The following TCEANC variants were observed in gnomAD, a reference collection of about 807,000 sequenced individuals.
The protein encoded by TCEANC is transcription elongation factor A N-terminal and central domain-containing protein.
In TCEANC, 8 loss-of-function variants were observed where a neutral mutation model predicts 8.7. The ratio of observed to expected loss-of-function variants is 0.92; its 90% confidence interval spans 0.54 to 1.65. The LOEUF (loss-of-function observed/expected upper bound fraction) is 1.65. TCEANC is among the 40% of genes most tolerant of loss of function. The probability of loss-of-function intolerance (pLI) is 0.00; values close to 1 mark genes in which losing one functional copy is unlikely to be tolerated. For missense variants in TCEANC, 255 were observed against 251.9 expected, an observed-to-expected ratio of 1.01 and a Z score of -0.08; for synonymous variants, 78 against 92.9, an observed-to-expected ratio of 0.84 and a Z score of 0.92.
At chrX:13,661,715 C>T (rs2045967481) in intron 1 of TCEANC, among the ~76,000 whole-genome samples, 1 of 112,249 alleles carries the variant, frequency 8.9e-6, no homozygotes, top group African/African-American at 3.2e-5. Flanking sequence ...CATTTGCCTG[C>T]CTAGGATGAA....
exon 2 of TCEANC, chrX:13,663,417 C>T: frequency 1.7e-6 from 2 of 1,184,974 alleles, no homozygotes; most frequent in Non-Finnish European, 2.3e-6. Context: ...GTGAGAAATA[C>T]AATTGCAAAG....
chrX:13,654,124 A>T (rs904669730), upstream of TCEANC, among the ~76,000 whole-genome samples: 1 of 112,932 alleles, frequency 8.9e-6, no homozygotes, highest in Admixed American at 9.3e-5. Context: ...AAAATATCTC[A>T]ATTTGTTTAT....
At chrX:13,659,850 C>G (rs910825498) in intron 1 of TCEANC, 82 bp downstream of exon 3, 1 of 111,757 alleles carries the variant, frequency 8.9e-6, no homozygotes, top group Non-Finnish European at 1.9e-5. Context: ...TAGACTCGAT[C>G]TCTTGACCTC....
exon 2 of TCEANC, chrX:13,662,963 G>T (rs1423037632): frequency 1.7e-6 from 2 of 1,211,201 alleles, no homozygotes; most frequent in Non-Finnish European, 2.2e-6. Flanking sequence ...GAGCATTTTG[G>T]GGATGGTGAC....
intron 1 of TCEANC, among the ~76,000 whole-genome samples, chrX:13,662,223 C>T (rs1189147271): frequency 8.9e-6 from 1 of 111,765 alleles, no homozygotes; most frequent in African/African-American, 3.3e-5. Flanking sequence ...GGTGGAAAAG[C>T]TATAGCAGAT....
chrX:13,655,119 G>A (rs936407237), upstream of TCEANC, among the ~76,000 whole-genome samples: 1 of 111,959 alleles, frequency 8.9e-6, no homozygotes, highest in African/African-American at 3.2e-5. Context: ...TTTGCTAGGT[G>A]TGTATAGGTG....
At position 13,658,217 on chromosome X, in the gene TCEANC, C is replaced by T. The variant is rs779451315; in HGVS notation, c.-9+2844C>T. 2.7e-5 allele frequency among the ~76,000 whole-genome samples: 3 copies of T among 111,686 alleles called. No individual in the cohort carries two copies. In the Admixed American group the frequency reaches 2.9e-4, roughly 11 times the overall value. On this transcript the variant is annotated intron_variant, in intron 1 of 1. Coordinates refer to ENST00000380600, the Ensembl canonical transcript of TCEANC. ...GGGATTTTCTTGGGGGGTGGTGGCACAGATAAATCTTCTAAAGTTGATTTA... is the reference window on the plus strand; with the variant it reads ...GGGATTTTCTTGGGGGGTGGTGGCATAGATAAATCTTCTAAAGTTGATTTA...
intron 1 of TCEANC, among the ~76,000 whole-genome samples, chrX:13,661,806 A>G (rs779692763): frequency 8.0e-5 from 9 of 112,286 alleles, no homozygotes; most frequent in Non-Finnish European, 1.7e-4. Context: ...TGTAAGAACC[A>G]GTTAGTCTAA....
rs74577727 is a variant in TCEANC, at chrX:13,659,643, T to G, written c.-8-2858T>G. ...GTGTTAAGCCCTTTTTTTTTTTTTTTTTTGACAGAGTCTCGCTCTGTCGCC... is the reference window on the plus strand; with the variant it reads ...GTGTTAAGCCCTTTTTTTTTTTTTTGTTTGACAGAGTCTCGCTCTGTCGCC... On this transcript the variant is annotated intron_variant, in intron 1 of 1. Transcript: ENST00000380600. 2.8e-5 allele frequency: 3 copies of G among 108,731 alleles called. No individual in the cohort carries two copies. The highest frequency in any genetic ancestry group is 5.7e-5 in the Non-Finnish European group (3 of 52,502). 9.0% of individuals were successfully genotyped at this position (108,731 alleles called of 1,213,427 possible). A position where few individuals can be genotyped will look rare whatever the true frequency, so the allele number is the denominator to read the frequency against.
intron 1 of TCEANC, 105 bp from the exon 5 acceptor site, chrX:13,662,396 G>A (rs763266398): frequency 1.4e-6 from 1 of 731,116 alleles, no homozygotes; most frequent in East Asian, 3.2e-5. Flanking sequence ...GACTCTTTCG[G>A]AAAACATTGC....
At position 13,664,920 on chromosome X, in the gene TCEANC, C is replaced by T. The variant is rs138009590; in HGVS notation, c.*1356C>T. ...TACTTTGGCGGTCTCTACAAACCTA[C>T]CATTTCACTTTCTCACCAGTTCTTT... On this transcript the variant is annotated 3_prime_UTR_variant, in exon 2 of 2. Transcript: ENST00000380600. 799 of 123,595 alleles carry T rather than the reference C, an allele frequency of 6.5e-3. 4 individuals carry two copies. The highest frequency in any genetic ancestry group is 0.014 in the Middle Eastern group (3 of 218). 10.2% of individuals were successfully genotyped at this position (123,595 alleles called of 1,213,427 possible).
intron 1 of TCEANC, among the ~76,000 whole-genome samples, chrX:13,661,737 CA>C (rs1289274455): frequency 8.9e-6 from 1 of 112,341 alleles, no homozygotes; most frequent in Non-Finnish European, 1.9e-5. Context: ...TTCACACAGA[CA>C]TAATCATTGA....
At chrX:13,663,209 C>T in exon 2 of TCEANC, 1 of 1,205,356 alleles carries the variant, frequency 8.3e-7, no homozygotes, top group African/African-American at 1.7e-5. Flanking sequence ...TTGAAGAACC[C>T]CAGAAATTCT....
At chrX:13,660,886 C>G (rs1240445332) in intron 1 of TCEANC, among the ~76,000 whole-genome samples, 145 bp from the exon 4 acceptor site, 1 of 111,356 alleles carries the variant, frequency 9.0e-6, no homozygotes, top group East Asian at 2.8e-4. Flanking sequence ...GCTGTGTTGC[C>G]CAGGCTGGAG....
At chrX:13,662,798 G>A (rs769900044) in exon 2 of TCEANC, 4 of 1,211,145 alleles carry the variant, frequency 3.3e-6, no homozygotes, top group Non-Finnish European at 4.5e-6. Flanking sequence ...CCTGTGAGGG[G>A]TAATAAAGAA....
chrX:13,662,529 A>G lies in TCEANC; in HGVS notation c.21A>G (p.Ile7Met). 1.7e-6 allele frequency: 2 copies of G among 1,209,707 alleles called. No homozygotes were observed. The highest frequency in any genetic ancestry group is 3.5e-5 in the South Asian group (2 of 56,464). ...TAAAGATGTCTGACAAGAACCAGAT[A>G]GCTGCCAGAGCTTCTCTTATTGAGC... The change falls in exon 2 of 2, where the codon ATA becomes ATG. Residue 7 changes from isoleucine (I) to methionine (M), a missense_variant. Physicochemically the swap from Ile to Met is conservative, Grantham distance 10 (BLOSUM62 1). Transcript: ENST00000380600.
chrX:13,664,577 G>A (rs777205223), exon 2 of TCEANC: 8 of 121,905 alleles, frequency 6.6e-5, no homozygotes, highest in African/African-American at 2.6e-4. Flanking sequence ...CAGGTTTTTC[G>A]GGGGTATGTA....
At chrX:13,661,831 T>C (rs1426235473) in intron 1 of TCEANC, among the ~76,000 whole-genome samples, 1 of 112,043 alleles carries the variant, frequency 8.9e-6, no homozygotes, top group Non-Finnish European at 1.9e-5. Context: ...ATAAATCATC[T>C]GGATCATTGA....
At chrX:13,660,002 G>A (rs146964062) in intron 1 of TCEANC, among the ~76,000 whole-genome samples, 1,957 of 111,728 alleles carry the variant, frequency 0.018, 43 homozygotes, top group African/African-American at 0.06. Flanking sequence ...GGTAGAAGGT[G>A]ATTGATTCAT....
Sources: allele counts gnomAD v4.1 joint callset (sites outside exome capture counted in the v4.1 genomes callset), GRCh38; gene constraint gnomAD v4.1.1; transcripts MANE v1.5; gene names NCBI Gene and HGNC (gene_info 2026-07-23, HGNC 2026-07-21).